Variants in GTF2H1 observed in about 807,000 individuals in gnomAD.
GTF2H1 encodes BTF2 p62.
In GTF2H1, 16 loss-of-function variants were observed where a neutral mutation model predicts 71.2. The observed-to-expected ratio is 0.22, with a 90% CI of 0.15 to 0.34. GTF2H1 has a LOEUF of 0.34. Among genes scored for constraint, GTF2H1 ranks in the 10% least tolerant of loss-of-function variants. The pLI, the probability that GTF2H1 is intolerant of heterozygous loss-of-function variation, is 1.00. For synonymous variants in GTF2H1, 215 were observed against 219.0 expected (o/e 0.98, Z 0.16); for missense variants, 498 against 648.2 (o/e 0.77, Z 2.52).
intron 14 of GTF2H1, among the ~76,000 whole-genome samples, chr11:18,365,394 T>A (rs1865798425): frequency 6.6e-6 from 1 of 151,924 alleles, no homozygotes; most frequent in Non-Finnish European, 1.5e-5. Context: ...TAAAATAAAA[T>A]AAAATAAAGT....
At chr11:18,336,200 C>G (rs951580751) in intron 3 of GTF2H1, among the ~76,000 whole-genome samples, 2 of 152,050 alleles carry the variant, frequency 1.3e-5, no homozygotes, top group Admixed American at 1.3e-4. Context: ...AATCTTGGCT[C>G]GCTGCAACCT....
At chr11:18,335,633 A>T (rs4150579) in intron 2 of GTF2H1, 121 bp from the exon 3 acceptor site, 1 of 664,500 alleles carries the variant, frequency 1.5e-6, no homozygotes, top group Non-Finnish European at 2.7e-6. Context: ...AAGCATCAGT[A>T]TTGGAATAGG....
chr11:18,327,005 T>C (rs1190812938), intron 1 of GTF2H1, among the ~76,000 whole-genome samples: 1 of 150,976 alleles, frequency 6.6e-6, no homozygotes, highest in Non-Finnish European at 1.5e-5. Flanking sequence ...AAAAAAAAAA[T>C]AGAAAAATTA....
At chr11:18,344,867 G>C (rs1865249033) in intron 7 of GTF2H1, among the ~76,000 whole-genome samples, 2 of 151,956 alleles carry the variant, frequency 1.3e-5, no homozygotes, top group Non-Finnish European at 2.9e-5. Context: ...TCTTCTACCT[G>C]CTTGTTCCCT....
intron 13 of GTF2H1, among the ~76,000 whole-genome samples, chr11:18,359,432 G>A (rs1213989112): frequency 6.6e-6 from 1 of 152,048 alleles, no homozygotes; most frequent in African/African-American, 2.4e-5. Flanking sequence ...CTAATTTGCA[G>A]AAGAACAAAA....
At chr11:18,348,384 A>G (rs1308811993) in intron 9 of GTF2H1, 1 of 184,608 alleles carries the variant, frequency 5.4e-6, no homozygotes, top group East Asian at 1.3e-4. Context: ...GTGGAGAAGG[A>G]TGGACAGAAT....
At chr11:18,355,337 G>T (rs963241408) in intron 11 of GTF2H1, among the ~76,000 whole-genome samples, 2 of 151,030 alleles carry the variant, frequency 1.3e-5, no homozygotes, top group Non-Finnish European at 3.0e-5. Flanking sequence ...TAGCAACGGG[G>T]TTTCACCGTG....
At chr11:18,353,692 C>A (rs1216712063) in intron 11 of GTF2H1, among the ~76,000 whole-genome samples, 2 of 152,108 alleles carry the variant, frequency 1.3e-5, no homozygotes, top group Non-Finnish European at 2.9e-5. Context: ...ACCTATATTA[C>A]GTTATTTATC....
At chr11:18,343,711 C>T (rs976413060) in intron 7 of GTF2H1, among the ~76,000 whole-genome samples, 1 of 152,236 alleles carries the variant, frequency 6.6e-6, no homozygotes, top group African/African-American at 2.4e-5. Context: ...ATCTCAACTT[C>T]ACATGTAAAA....
At chr11:18,362,701 A>G (rs2133993412) in intron 14 of GTF2H1, among the ~76,000 whole-genome samples, 1 of 118,962 alleles carries the variant, frequency 8.4e-6, no homozygotes, top group Middle Eastern at 7.5e-3. Flanking sequence ...GATGGAGTCT[A>G]GTTCTGTCGC....
At chr11:18,358,224 C>A in intron 12 of GTF2H1, 182 bp downstream of exon 12, 1 of 606,732 alleles carries the variant, frequency 1.6e-6, no homozygotes, top group Non-Finnish European at 3.0e-6. Flanking sequence ...GTTTCAGAAC[C>A]GTCTTACTAT....
intron 9 of GTF2H1, among the ~76,000 whole-genome samples, chr11:18,349,684 A>G (rs1865382420): frequency 6.6e-6 from 1 of 151,936 alleles, no homozygotes; most frequent in Non-Finnish European, 1.5e-5. Context: ...CTCCATCTCA[A>G]AGAAAAAATA....
Position 18,347,837 on chromosome 11 carries a change from C to T in GTF2H1, c.971C>T (p.Ala324Val). 6.2e-7 allele frequency: 1 copy of T among 1,602,606 alleles called. No homozygotes were observed. The highest frequency in any genetic ancestry group is 8.5e-7 in the Non-Finnish European group (1 of 1,175,378). Residue 324 changes from alanine (A) to valine (V), a missense_variant, in exon 9 of 15, where the codon GCA becomes GTA. By Grantham distance (64) the Ala-to-Val change is moderately conservative. Around this residue, in one of 3 missense-constraint regions of GTF2H1, gnomAD observed 266 missense variants for 301.6 expected, o/e 0.88. Transcript: ENST00000265963. ...TTTTTCCCCTTTATTTTAAGAGAAG[C>T]ACAAAATGAACAAACTAGTGAGCCC... ...VLAAGLRKQE[A>V]QNEQTSEPSN...
At chr11:18,330,053 T>C (rs1207750220) in intron 1 of GTF2H1, among the ~76,000 whole-genome samples, 1 of 152,192 alleles carries the variant, frequency 6.6e-6, no homozygotes, top group African/African-American at 2.4e-5. Context: ...CTGTCTCTCA[T>C]TTTGGGTAAC....
At chr11:18,350,503 G>A (rs571564186) in intron 9 of GTF2H1, among the ~76,000 whole-genome samples, 19 of 152,076 alleles carry the variant, frequency 1.2e-4, no homozygotes, top group African/African-American at 4.3e-4. Flanking sequence ...ATTTGTTCCT[G>A]TACCATAAAG....
At chr11:18,342,409 G>A (rs142333150) in intron 7 of GTF2H1, among the ~76,000 whole-genome samples, 89 of 151,704 alleles carry the variant, frequency 5.9e-4, no homozygotes, top group African/African-American at 2.0e-3. Flanking sequence ...TTACAGGCAC[G>A]TGCCACCACA....
rs924132727 is a variant in GTF2H1, at chr11:18,366,991, A to G, written c.*1122A>G. On this transcript the variant is annotated 3_prime_UTR_variant, in exon 15 of 15. Transcript: ENST00000265963. ...ATGTTTAAGACTTTAGATGTCTTGTATTAAAAATTACACAAAAAAAGTAAA... is the reference window on the plus strand; with the variant it reads ...ATGTTTAAGACTTTAGATGTCTTGTGTTAAAAATTACACAAAAAAAGTAAA... The G allele has an allele frequency of 4.6e-5, 7 of 151,890 alleles. No individual in the cohort carries two copies. The highest frequency in any genetic ancestry group is 1.7e-4 in the African/African-American group (7 of 41,364). 9.4% of individuals were successfully genotyped at this position (151,890 alleles called of 1,614,324 possible).
intron 1 of GTF2H1, among the ~76,000 whole-genome samples, chr11:18,330,546 G>C (rs1864870373): frequency 6.6e-6 from 1 of 152,168 alleles, no homozygotes; most frequent in African/African-American, 2.4e-5. Context: ...CTGAGGTTCT[G>C]GTGATAAGTG....
At chr11:18,344,744 G>A (rs1865245150) in intron 7 of GTF2H1, among the ~76,000 whole-genome samples, 1 of 151,958 alleles carries the variant, frequency 6.6e-6, no homozygotes, top group Non-Finnish European at 1.5e-5. Flanking sequence ...GCTAGATTTG[G>A]CTCCTGCATA....
Sources: gnomAD v4.1 joint callset for allele counts (sites outside exome capture counted in the v4.1 genomes callset) on GRCh38, gnomAD v4.1.1 for gene constraint, gnomAD v4.1.1 regional missense constraint, MANE v1.5 for transcripts, NCBI Gene and HGNC (gene_info 2026-07-23, HGNC 2026-07-21) for gene names.